Variants in KPNA7 observed in about 807,000 individuals in gnomAD.
KPNA7 encodes the protein karyopherin subunit alpha 7, also known as importin subunit alpha-8.
A neutral mutation model predicts 53.7 loss-of-function variants in KPNA7; 54 were observed. That is an observed-to-expected ratio of 1.01 (90% CI 0.81 to 1.26). The LOEUF is 1.26. Ranked by LOEUF, KPNA7 falls within the 50% of genes most tolerant of loss-of-function variation. The probability of loss-of-function intolerance (pLI) is 0.00; values close to 1 mark genes in which losing one functional copy is unlikely to be tolerated. For synonymous variants in KPNA7, 276 were observed against 259.3 expected, an observed-to-expected ratio of 1.06 and a Z score of -0.62; for missense variants, 640 against 644.5, an observed-to-expected ratio of 0.99 and a Z score of 0.07.
At position 99,185,151 on chromosome 7, in the gene KPNA7, G is replaced by A; in HGVS notation, c.912C>T (p.Leu304=). The change falls in exon 8 of 11, where the codon CTC becomes CTT. Residue 304 remains leucine, a synonymous_variant. Transcript: ENST00000327442. Reference sequence around the variant, plus strand: ...CCGTGACAATGTTCCCCACGGTGCGGAGAGAAGGAGTCTGGAAGAGCAAGG... The same window carrying A: ...CCGTGACAATGTTCCCCACGGTGCGAAGAGAAGGAGTCTGGAAGAGCAAGG... ...SSELNVLTPS[L]RTVGNIVTGT... 7 of 1,551,450 alleles carry A rather than the reference G, an allele frequency of 4.5e-6. No individual in the cohort carries two copies. Among genetic ancestry groups the A allele is most frequent in the Non-Finnish European group, 6.1e-6 (7 of 1,146,530 alleles).
chr7:99,182,065 C>A lies in KPNA7; in HGVS notation c.1135G>T (p.Gly379Ter), dbSNP rs1161288800. The A allele has an allele frequency of 1.3e-6, 2 of 1,527,384 alleles. No homozygotes were observed. The highest frequency in any genetic ancestry group is 5.0e-5 in the East Asian group (2 of 40,318). The allele number at this position is 1,527,384 out of a possible 1,614,324, so 94.6% of individuals were successfully genotyped here. A position where few individuals can be genotyped will look rare whatever the true frequency, so the allele number is the denominator to read the frequency against. Residue 379 changes from glycine to a stop codon, truncating the protein, a stop_gained and splice_region_variant, in exon 9 of 11, where the codon GGA becomes TGA. Coordinates refer to ENST00000327442, the MANE Select transcript of KPNA7 (RefSeq NM_001145715.3). LOFTEE classifies it high-confidence loss of function. The part of the protein sequence containing the change: ...LPPLVALLKN[G>*]EFKVQKEAVW... ...GCCTCTTTCTGGACTTTAAATTCTC[C>A]CTGCAGAACAAGAATGTTTCCATTC...
chr7:99,212,168 T>C (rs954613767), upstream of KPNA7, among the ~76,000 whole-genome samples: 4 of 150,914 alleles, frequency 2.7e-5, no homozygotes, highest in East Asian at 1.9e-4. Flanking sequence ...GAGAACAACA[T>C]TGCAAGACAG....
In KPNA7 at chr7:99,188,453, G is replaced by A. The variant is rs1465548180; in HGVS notation, c.747C>T (p.Leu249=). 2.1e-5 allele frequency: 32 copies of A among 1,551,620 alleles called. No individual in the cohort carries two copies. The highest frequency in any genetic ancestry group is 2.7e-5 in the Non-Finnish European group (31 of 1,147,022). Reference sequence around the variant, plus strand: ...GAACCTCACTGTCCTGGTGCTGCAGGAGGTGAAGGAGGGCCGGCAGTATCT... The same window carrying A: ...GAACCTCACTGTCCTGGTGCTGCAGAAGGTGAAGGAGGGCCGGCAGTATCT... The part of the protein sequence containing the change: ...VKQILPALLH[L]LQHQDSEVLS... The change falls in exon 7 of 11, where the codon CTC becomes CTT. Residue 249 remains leucine, a synonymous_variant. Transcript: ENST00000327442.
intron 8 of KPNA7, 78 bp downstream of exon 8, chr7:99,184,851 G>A: frequency 8.3e-7 from 1 of 1,203,492 alleles, no homozygotes; most frequent in Non-Finnish European, 1.2e-6. Context: ...CTGCACCTGT[G>A]TCTGGATTCC....
chr7:99,180,459 AG>A (rs1799117377), intron 9 of KPNA7, among the ~76,000 whole-genome samples: 3 of 151,868 alleles, frequency 2.0e-5, no homozygotes, highest in African/African-American at 7.3e-5. Flanking sequence ...CGAGGATCAC[AG>A]CACTCCAACC....
At position 99,201,595 on chromosome 7, in the gene KPNA7, G is replaced by A. The variant is rs192240104; in HGVS notation, c.201+1511C>T. 7.1e-3 allele frequency among the ~76,000 whole-genome samples: 1,078 copies of A among 151,614 alleles called. 13 individuals carry two copies. The highest frequency in any genetic ancestry group is 0.023 in the African/African-American group (967 of 41,380). ...GAAGAATTGCTTGAACCCAGGAGGC[G>A]GAAGTTGCGGTGAGCCAAGATCGTG... On this transcript the variant is annotated intron_variant, in intron 3 of 10. Coordinates refer to ENST00000327442, the MANE Select transcript of KPNA7 (RefSeq NM_001145715.3).
chr7:99,161,724 C>T, the KPNA7 span, among the ~76,000 whole-genome samples: 1 of 152,126 alleles, frequency 6.6e-6, no homozygotes, highest in African/African-American at 2.4e-5. Flanking sequence ...TTGAGGATAA[C>T]CATTTTTGCA....
intron 6 of KPNA7, among the ~76,000 whole-genome samples, chr7:99,190,166 G>A (rs1378146857): frequency 5.3e-5 from 8 of 151,808 alleles, no homozygotes; most frequent in African/African-American, 1.2e-4. Flanking sequence ...GTGAAACCCC[G>A]TCTCTACTAA....
At chr7:99,157,500 C>T in the KPNA7 span, among the ~76,000 whole-genome samples, 2 of 152,186 alleles carry the variant, frequency 1.3e-5, no homozygotes, top group African/African-American at 4.8e-5. Context: ...TGAGCCACTG[C>T]GCCCAGCCCC....
chr7:99,209,704 A>AGG (rs539435816), upstream of KPNA7, among the ~76,000 whole-genome samples: 3 of 142,702 alleles, frequency 2.1e-5, no homozygotes, highest in African/African-American at 8.1e-5. Flanking sequence ...AAAAAAAAAA[A>AGG]AAAAAAGAAA....
At chr7:99,213,140 T>C (rs1450511281) in intron 1 of KPNA7, among the ~76,000 whole-genome samples, 2 of 151,514 alleles carry the variant, frequency 1.3e-5, no homozygotes, top group African/African-American at 2.4e-5. Context: ...ATTTTTTTTT[T>C]TTTTTGAGAC....
At chr7:99,159,434 T>C in the KPNA7 span, among the ~76,000 whole-genome samples, 2 of 149,316 alleles carry the variant, frequency 1.3e-5, no homozygotes, top group South Asian at 2.1e-4. Context: ...CTTCATGGAA[T>C]AGGGGGATGT....
chr7:99,146,001 T>C, the KPNA7 span, among the ~76,000 whole-genome samples: 1 of 152,226 alleles, frequency 6.6e-6, no homozygotes, highest in South Asian at 2.1e-4. Flanking sequence ...TTTCCATTTG[T>C]AGATGATTGT....
At position 99,184,930 on chromosome 7, in the gene KPNA7, T is replaced by C; in HGVS notation, c.1133A>G (p.Asn378Ser). The C allele has an allele frequency of 1.3e-6, 2 of 1,551,732 alleles. No homozygotes were observed. The highest frequency in any genetic ancestry group is 1.7e-6 in the Non-Finnish European group (2 of 1,146,868). The change falls in exon 8 of 11, where the codon AAC (asparagine) becomes AGC (serine). Residue 378 changes from asparagine (N) to serine (S), a missense_variant and splice_region_variant. Asn to Ser is a conservative substitution (Grantham distance 46, BLOSUM62 1). Coordinates refer to ENST00000327442, the MANE Select transcript of KPNA7 (RefSeq NM_001145715.3). ...ATGGTTGCTGTGTGCGCCACTTACG[T>C]TTTTTAGCAGAGCCACCAAGGGAGG... ...VLPPLVALLKNGEFKVQKEAV... is the reference protein window; with the variant it reads ...VLPPLVALLKSGEFKVQKEAV...
chr7:99,213,791 C>A (rs1791135150), intron 1 of KPNA7, among the ~76,000 whole-genome samples: 1 of 151,856 alleles, frequency 6.6e-6, no homozygotes, highest in Admixed American at 6.6e-5. Flanking sequence ...TTTCATTTTT[C>A]AGAGATGCGG....
At chr7:99,214,014 T>A (rs1791140405) in intron 1 of KPNA7, among the ~76,000 whole-genome samples, 1 of 152,154 alleles carries the variant, frequency 6.6e-6, no homozygotes, top group Non-Finnish European at 1.5e-5. Context: ...AGGAGCCATC[T>A]CAGACATCAT....
At chr7:99,192,069 CTA>C (rs1789985030) in intron 6 of KPNA7, among the ~76,000 whole-genome samples, 2 of 152,180 alleles carry the variant, frequency 1.3e-5, no homozygotes, top group African/African-American at 4.8e-5. Flanking sequence ...AACCTTGACT[CTA>C]AGCCTCAAAA....
intron 8 of KPNA7, among the ~76,000 whole-genome samples, chr7:99,182,391 T>C (rs907694959): frequency 2.0e-5 from 3 of 152,088 alleles, no homozygotes; most frequent in Non-Finnish European, 4.4e-5. Context: ...TAGAGACAGG[T>C]TTCACCATGT....
chr7:99,179,834 CA>C (rs948118291), intron 9 of KPNA7, among the ~76,000 whole-genome samples: 2 of 152,010 alleles, frequency 1.3e-5, no homozygotes, highest in Admixed American at 6.6e-5. Context: ...CTCGGCCTCC[CA>C]AAGTGCTGGA....
Sources: allele counts gnomAD v4.1 joint callset (sites outside exome capture counted in the v4.1 genomes callset), GRCh38; gene constraint gnomAD v4.1.1; transcripts MANE v1.5; gene names NCBI Gene and HGNC (gene_info 2026-07-23, HGNC 2026-07-21).